The following TMEM132E variants were observed in gnomAD, a reference collection of about 807,000 sequenced individuals.
TMEM132E encodes the protein transmembrane protein 132E.
Under a neutral mutation model 78.5 loss-of-function variants are expected in TMEM132E, and 49 were observed. That is an observed-to-expected ratio of 0.62 (90% CI 0.50 to 0.79). The LOEUF (loss-of-function observed/expected upper bound fraction) is 0.79. Ranked by LOEUF, TMEM132E falls within the 30% of genes least tolerant of loss-of-function variation. TMEM132E has a pLI of 0.00. For synonymous variants in TMEM132E, 715 were observed against 670.6 expected, an observed-to-expected ratio of 1.07 and a Z score of -1.02; for missense variants, 1,403 against 1,470.9, an observed-to-expected ratio of 0.95 and a Z score of 0.75.
intron 1 of TMEM132E, among the ~76,000 whole-genome samples, chr17:34,599,311 C>A (rs1244533680): frequency 6.6e-6 from 1 of 152,218 alleles, no homozygotes; most frequent in Non-Finnish European, 1.5e-5. Flanking sequence ...CCACGGGGCA[C>A]CTGCTAATGC....
chr17:34,630,735 G>A (rs547724329), intron 5 of TMEM132E, among the ~76,000 whole-genome samples: 3 of 152,212 alleles, frequency 2.0e-5, no homozygotes, highest in South Asian at 4.1e-4. Flanking sequence ...CGGCACACAC[G>A]CTCCAGCTTC....
intron 1 of TMEM132E, among the ~76,000 whole-genome samples, chr17:34,582,076 A>T (rs547277795): frequency 2.9e-4 from 44 of 150,196 alleles, no homozygotes; most frequent in Admixed American, 2.7e-3. Flanking sequence ...AGAGTGGAGA[A>T]GCGGGGCCCT....
At chr17:34,607,867 C>T (rs1215643561) in intron 1 of TMEM132E, among the ~76,000 whole-genome samples, 2 of 152,182 alleles carry the variant, frequency 1.3e-5, no homozygotes, top group Admixed American at 6.5e-5. Flanking sequence ...TTCTGTCCCC[C>T]TGAAGTTGGG....
chr17:34,591,613 C>A (rs1905872197), intron 1 of TMEM132E, among the ~76,000 whole-genome samples: 2 of 152,208 alleles, frequency 1.3e-5, no homozygotes, highest in African/African-American at 4.8e-5. Context: ...ATCCAGGCTT[C>A]CTCACTATTT....
chr17:34,599,308 G>T (rs1906157037), intron 1 of TMEM132E, among the ~76,000 whole-genome samples: 1 of 152,188 alleles, frequency 6.6e-6, no homozygotes, highest in South Asian at 2.1e-4. Flanking sequence ...CCACCACGGG[G>T]CACCTGCTAA....
intron 1 of TMEM132E, among the ~76,000 whole-genome samples, chr17:34,613,991 C>T (rs1255631037): frequency 3.3e-5 from 5 of 152,206 alleles, no homozygotes; most frequent in Non-Finnish European, 7.3e-5. Context: ...ACAAGCACAC[C>T]AGTGTGGCCT....
chr17:34,592,578 C>T (rs1471101118), intron 1 of TMEM132E, among the ~76,000 whole-genome samples: 2 of 152,306 alleles, frequency 1.3e-5, no homozygotes, highest in East Asian at 3.9e-4. Context: ...CCACTCCTAG[C>T]AGGATGGCCA....
intron 1 of TMEM132E, among the ~76,000 whole-genome samples, chr17:34,588,538 C>T (rs1046337589): frequency 3.3e-5 from 5 of 152,172 alleles, no homozygotes; most frequent in African/African-American, 4.8e-5. Context: ...GCGCTTACTA[C>T]GTGCCAAGCA....
intron 1 of TMEM132E, among the ~76,000 whole-genome samples, chr17:34,606,700 G>A: frequency 6.6e-6 from 1 of 152,198 alleles, no homozygotes. Context: ...CAAGTTGGAG[G>A]AGCTGGGCCA....
Position 34,636,064 on chromosome 17 carries a change from GAGA to G in TMEM132E, c.2038_2040del (p.Lys680del). On this transcript the variant is annotated inframe_deletion, in exon 8 of 9. Coordinates refer to ENST00000631683, the MANE Select transcript of TMEM132E (RefSeq NM_001304438.2). ...GGAGACGCTGCTGACGGTGACTGAGGAGAAGGTCAGCATCACACAGCTTCAGGC... is the reference window on the plus strand; with the variant it reads ...GGAGACGCTGCTGACGGTGACTGAGGAGGTCAGCATCACACAGCTTCAGGC... 6.3e-7 allele frequency: 1 copy of G among 1,583,910 alleles called. No individual in the cohort carries two copies. Among genetic ancestry groups the G allele is most frequent in the East Asian group, 2.4e-5 (1 of 41,406 alleles).
chr17:34,607,965 G>C (rs1405494979), intron 1 of TMEM132E, among the ~76,000 whole-genome samples: 3 of 152,120 alleles, frequency 2.0e-5, no homozygotes, highest in Non-Finnish European at 4.4e-5. Flanking sequence ...TTCAATAAAG[G>C]TTCCATTATG....
Position 34,638,488 on chromosome 17 carries a change from G to A in TMEM132E, c.*256G>A, listed in dbSNP as rs1907630712. On this transcript the variant is annotated 3_prime_UTR_variant, in exon 9 of 9. Transcript: ENST00000631683. ...GCTCGTAAGGAGGAAAGCAACCCCA[G>A]CCTCTGTTCTGCCCTTTCCAAACCT... 1 of 448,142 alleles carries A rather than the reference G, an allele frequency of 2.2e-6. No individual in the cohort carries two copies. Among genetic ancestry groups the A allele is most frequent in the Non-Finnish European group, 3.9e-6 (1 of 256,510 alleles). 27.8% of individuals were successfully genotyped at this position (448,142 alleles called of 1,614,324 possible).
At chr17:34,635,986 C>T (rs1294138052) in intron 7 of TMEM132E, 21 bp from the exon 8 acceptor site, 1 of 1,390,102 alleles carries the variant, frequency 7.2e-7, no homozygotes, top group Non-Finnish European at 9.4e-7. Context: ...TCTCTCCCAC[C>T]CCGGTCCCGC....
At chr17:34,608,220 G>A (rs1906478369) in intron 1 of TMEM132E, among the ~76,000 whole-genome samples, 1 of 152,142 alleles carries the variant, frequency 6.6e-6, no homozygotes, top group Admixed American at 6.5e-5. Context: ...AAATTCTGAG[G>A]GTTTTAGGAG....
chr17:34,634,319 G>A (rs947503088), intron 6 of TMEM132E, among the ~76,000 whole-genome samples: 2 of 152,178 alleles, frequency 1.3e-5, no homozygotes, highest in African/African-American at 2.4e-5. Flanking sequence ...ACCAGGCCAC[G>A]ATTTCCACAC....
At chr17:34,592,773 G>T (rs1417883937) in intron 1 of TMEM132E, among the ~76,000 whole-genome samples, 3 of 152,148 alleles carry the variant, frequency 2.0e-5, no homozygotes, top group Non-Finnish European at 4.4e-5. Context: ...GGTATCATTG[G>T]CATCAAGGAA....
rs1567719339 is a variant in TMEM132E, at chr17:34,626,130, C to T, written c.71C>T (p.Ser24Phe). The change falls in exon 2 of 9, where the codon TCT becomes TTT. Residue 24 changes from serine to phenylalanine, a missense_variant. By Grantham distance (155) the Ser-to-Phe change is radical (BLOSUM62 -2). This residue lies in a region of TMEM132E where 511 missense variants were observed against 499.0 expected (regional missense o/e 1.02). Transcript: ENST00000631683. ...TCTTTCCTCTGTCTGTCCCCAGCCT[C>T]TGGCCGCTCCCACCCGGCCAGCCCC... The part of the protein sequence containing the change: ...LCLSALLAHA[S>F]GRSHPASPSP... The T allele has an allele frequency of 3.3e-6, 5 of 1,515,808 alleles. No homozygotes were observed. In the African/African-American group the frequency reaches 4.2e-5, roughly 13 times the overall value. 93.9% of individuals were successfully genotyped at this position (1,515,808 alleles called of 1,614,324 possible).
At chr17:34,617,231 A>G (rs1906813031) in intron 1 of TMEM132E, among the ~76,000 whole-genome samples, 1 of 152,244 alleles carries the variant, frequency 6.6e-6, no homozygotes, top group Non-Finnish European at 1.5e-5. Context: ...AGAGAAAGGA[A>G]AGAAACTGCC....
intron 1 of TMEM132E, among the ~76,000 whole-genome samples, chr17:34,592,489 C>A (rs1442107730): frequency 6.6e-6 from 1 of 152,222 alleles, no homozygotes; most frequent in African/African-American, 2.4e-5. Context: ...ACACAGGCCT[C>A]CCTAATCTGC....
Sources: gnomAD v4.1 joint callset for allele counts (sites outside exome capture counted in the v4.1 genomes callset) on GRCh38, gnomAD v4.1.1 for gene constraint, gnomAD v4.1.1 regional missense constraint, MANE v1.5 for transcripts, NCBI Gene and HGNC (gene_info 2026-07-23, HGNC 2026-07-21) for gene names.